SCAI: variants seen among roughly 807,000 people sequenced by gnomAD.
SCAI encodes the protein protein SCAI.
Under a neutral mutation model 92.2 loss-of-function variants are expected in SCAI, and 24 were observed. That is an observed-to-expected ratio of 0.26 (90% confidence interval 0.19 to 0.37). The LOEUF is 0.37. Ranked by LOEUF, SCAI falls within the 10% of genes least tolerant of loss-of-function variation. The probability of loss-of-function intolerance (pLI) is 1.00; values close to 1 mark genes in which losing one functional copy is unlikely to be tolerated. For synonymous variants in SCAI, 261 were observed against 258.6 expected (o/e 1.01, Z -0.09); for missense variants, 450 against 736.2 (o/e 0.61, Z 4.50).
intron 3 of SCAI, among the ~76,000 whole-genome samples, chr9:125,053,036 G>A (rs1299849644): frequency 6.6e-6 from 1 of 152,132 alleles, no homozygotes; most frequent in Non-Finnish European, 1.5e-5. Context: ...ATTACTATAT[G>A]ACCCAGGAAT....
intron 3 of SCAI, among the ~76,000 whole-genome samples, chr9:125,053,278 A>T (rs563939841): frequency 8.6e-4 from 131 of 152,228 alleles, no homozygotes; most frequent in African/African-American, 3.0e-3. Context: ...AGGTTGCAGT[A>T]AGCCAAAATC....
intron 2 of SCAI, among the ~76,000 whole-genome samples, chr9:125,108,930 G>A (rs1456137215): frequency 2.6e-5 from 4 of 152,232 alleles, no homozygotes; most frequent in Admixed American, 2.6e-4. Context: ...GGGGAAATGT[G>A]GGGAAAAGAT....
chr9:124,998,565 T>C (rs13285682), intron 13 of SCAI, among the ~76,000 whole-genome samples: 28,883 of 152,204 alleles, frequency 0.19, 3,201 homozygotes, highest in Non-Finnish European at 0.24. Context: ...AGAAGGAATA[T>C]GTTCTAGTGT....
intron 2 of SCAI, among the ~76,000 whole-genome samples, chr9:125,090,981 G>A (rs78098852): frequency 6.6e-6 from 1 of 152,192 alleles, no homozygotes; most frequent in African/African-American, 2.4e-5. Context: ...AGCTGGGCAT[G>A]GTGGCAGGCG....
intron 5 of SCAI, 98 bp downstream of exon 5, chr9:125,028,294 T>C (rs1244224294): frequency 1.5e-5 from 10 of 674,554 alleles, no homozygotes; most frequent in Non-Finnish European, 2.5e-5. Flanking sequence ...TAACTCGTGA[T>C]TTTCATGCCT....
chr9:124,991,351 CAAAAA>C (rs34976572), intron 14 of SCAI, among the ~76,000 whole-genome samples: 2 of 40,226 alleles, frequency 5.0e-5, no homozygotes, highest in Non-Finnish European at 7.8e-5. Flanking sequence ...AACTCCGTCT[CAAAAA>C]AAAAAAAAAA....
In SCAI at chr9:125,021,803, T is replaced by C. The variant is rs182047939; in HGVS notation, c.513-1034A>G. ...TTTTTTTGTTTAAGAGATGGAGTCT[T>C]GTTATGTTGCCCAACTGGACTTGAA... On this transcript the variant is annotated intron_variant, in intron 6 of 17. Transcript: ENST00000336505. Among the ~76,000 whole-genome samples the C allele has an allele frequency of 2.0e-3, 300 of 152,306 alleles. 1 individual carries two copies. The highest frequency in any genetic ancestry group is 6.9e-3 in the African/African-American group (287 of 41,574).
intron 2 of SCAI, among the ~76,000 whole-genome samples, chr9:125,082,373 CT>C (rs1231916284): frequency 1.3e-5 from 2 of 151,838 alleles, no homozygotes; most frequent in African/African-American, 4.9e-5. Flanking sequence ...CAGAAGTTTG[CT>C]GCAGGGGCGG....
intron 3 of SCAI, among the ~76,000 whole-genome samples, chr9:125,042,899 C>T (rs1251068870): frequency 9.5e-6 from 1 of 105,280 alleles, no homozygotes; most frequent in Non-Finnish European, 1.8e-5. Context: ...GACAGAGTCT[C>T]ACTTCACCCA....
chr9:125,029,821 C>T (rs924772595), intron 3 of SCAI, 82 bp from the exon 4 acceptor site: 5 of 766,842 alleles, frequency 6.5e-6, no homozygotes, highest in African/African-American at 3.6e-5. Flanking sequence ...ACAAACCAGA[C>T]AGATGAAAAA....
intron 2 of SCAI, among the ~76,000 whole-genome samples, chr9:125,141,536 T>C (rs1315290665): frequency 6.6e-6 from 1 of 152,248 alleles, no homozygotes; most frequent in Non-Finnish European, 1.5e-5. Flanking sequence ...TCTCCATTAC[T>C]CAAGGACTAA....
At chr9:125,101,221 C>G (rs185871625) in intron 2 of SCAI, among the ~76,000 whole-genome samples, 2 of 152,078 alleles carry the variant, frequency 1.3e-5, no homozygotes, top group Non-Finnish European at 2.9e-5. Context: ...AAATGAGGAG[C>G]CAATGGAGCG....
chr9:124,991,351 C>CAAAAA (rs34976572), intron 14 of SCAI, among the ~76,000 whole-genome samples: 7 of 40,244 alleles, frequency 1.7e-4, no homozygotes, highest in South Asian at 1.3e-3. Flanking sequence ...AACTCCGTCT[C>CAAAAA]AAAAAAAAAA....
intron 3 of SCAI, among the ~76,000 whole-genome samples, chr9:125,040,616 CCT>C (rs1459415413): frequency 1.3e-5 from 2 of 150,508 alleles, no homozygotes; most frequent in Admixed American, 6.6e-5. Flanking sequence ...CTACTTTTTC[CCT>C]GTTTTGTTTA....
chr9:125,101,060 TAACAAC>T (rs898281203), intron 2 of SCAI, among the ~76,000 whole-genome samples: 5 of 151,858 alleles, frequency 3.3e-5, no homozygotes, highest in African/African-American at 1.2e-4. Flanking sequence ...CCCCATCTCT[TAACAAC>T]AACAACAACA....
intron 14 of SCAI, among the ~76,000 whole-genome samples, chr9:124,978,896 T>C (rs866229996): frequency 6.6e-6 from 1 of 152,110 alleles, no homozygotes; most frequent in South Asian, 2.1e-4. Flanking sequence ...AGTTTCGCTC[T>C]GTCGCCCAGG....
At position 124,943,817 on chromosome 9, in the gene SCAI, G is replaced by A. The variant is rs942439057; in HGVS notation, c.*8990C>T. 6.6e-6 allele frequency: 1 copy of A among 152,086 alleles called. No individual in the cohort carries two copies. The highest frequency in any genetic ancestry group is 2.4e-5 in the African/African-American group (1 of 41,426). 9.4% of individuals were successfully genotyped at this position (152,086 alleles called of 1,614,324 possible). A position where few individuals can be genotyped will look rare whatever the true frequency, so the allele number is the denominator to read the frequency against. On this transcript the variant is annotated 3_prime_UTR_variant, in exon 18 of 18. Coordinates refer to ENST00000336505, the MANE Select transcript of SCAI (RefSeq NM_001144877.3). ...AAAAAGGGAAACTCAACCTTCCAAT[G>A]GAAACTGCTCAGAGGAAATAATAAA...
chr9:124,984,565 T>C (rs1026121049), intron 14 of SCAI, among the ~76,000 whole-genome samples: 1 of 152,090 alleles, frequency 6.6e-6, no homozygotes, highest in Non-Finnish European at 1.5e-5. Context: ...AAATGGATGT[T>C]GGATGTGAGG....
intron 2 of SCAI, among the ~76,000 whole-genome samples, chr9:125,112,308 AAAC>A (rs1431401683): frequency 4.6e-5 from 7 of 152,228 alleles, no homozygotes; most frequent in South Asian, 2.1e-4. Flanking sequence ...AAAAGAAAAA[AAAC>A]TCAAGTATCT....
Sources: allele counts gnomAD v4.1 joint callset (sites outside exome capture counted in the v4.1 genomes callset), GRCh38; gene constraint gnomAD v4.1.1; transcripts MANE v1.5; gene names NCBI Gene and HGNC (gene_info 2026-07-23, HGNC 2026-07-21).